Variants in MDGA2 observed in about 807,000 individuals in gnomAD.
MDGA2 encodes the protein MAM domain containing glycosylphosphatidylinositol anchor 2.
Under a neutral mutation model 117.8 loss-of-function variants are expected in MDGA2, and 40 were observed. That is an observed-to-expected ratio of 0.34 (90% CI 0.26 to 0.44). MDGA2 has a LOEUF of 0.44. Ranked by LOEUF, MDGA2 falls within the 20% of genes least tolerant of loss-of-function variation. MDGA2 has a pLI of 1.00. For synonymous variants in MDGA2, 452 were observed against 439.0 expected, an observed-to-expected ratio of 1.03 and a Z score of -0.37; for missense variants, 1,123 against 1,250.6, an observed-to-expected ratio of 0.90 and a Z score of 1.54.
rs574154679 is a variant in MDGA2 at position 47,350,016 on chromosome 14, G to A, written c.281-48466C>T. On this transcript the variant is annotated intron_variant, in intron 1 of 16. Coordinates refer to ENST00000399232, the MANE Select transcript of MDGA2 (RefSeq NM_001113498.3). ...TAAGCTTCATTTCAGGAAATAGGAC[G>A]GGGACCTTATAACCCTGAAGTCAGC... 2.4e-4 allele frequency among the ~76,000 whole-genome samples: 36 copies of A among 152,320 alleles called. No individual in the cohort carries two copies. The East Asian group carries it at 5.6e-3, about 24-fold the overall frequency.
chr14:46,998,291 G>A (rs1275998032), intron 8 of MDGA2, among the ~76,000 whole-genome samples: 3 of 151,696 alleles, frequency 2.0e-5, no homozygotes, highest in African/African-American at 4.8e-5. Flanking sequence ...AAAAACAGAT[G>A]AAAAGAAAAA....
intron 1 of MDGA2, among the ~76,000 whole-genome samples, chr14:47,323,606 T>C (rs1363557455): frequency 6.6e-6 from 1 of 151,876 alleles, no homozygotes; most frequent in Non-Finnish European, 1.5e-5. Flanking sequence ...CACTCCAGGC[T>C]GGGCAACAGA....
intron 1 of MDGA2, among the ~76,000 whole-genome samples, chr14:47,345,253 T>C (rs1890740043): frequency 6.6e-6 from 1 of 152,020 alleles, no homozygotes; most frequent in Admixed American, 6.6e-5. Context: ...TTTTATCCAA[T>C]CTGGAAATGC....
intron 3 of MDGA2, among the ~76,000 whole-genome samples, chr14:47,192,689 A>G (rs2139411665): frequency 6.6e-6 from 1 of 152,284 alleles, no homozygotes; most frequent in East Asian, 1.9e-4. Context: ...TTCAGAATAT[A>G]TTGTTCAGAG....
intron 1 of MDGA2, among the ~76,000 whole-genome samples, chr14:47,622,447 G>C (rs1444884265): frequency 6.6e-6 from 1 of 152,174 alleles, no homozygotes; most frequent in East Asian, 1.9e-4. Flanking sequence ...ACATTGACTT[G>C]GATCAAGGAC....
intron 1 of MDGA2, among the ~76,000 whole-genome samples, chr14:47,442,192 G>A (rs754257621): frequency 3.3e-5 from 5 of 152,016 alleles, no homozygotes; most frequent in African/African-American, 7.2e-5. Context: ...ATAAGTGGTC[G>A]GTTAAGGTAT....
At chr14:47,665,391 C>T (rs1431066614) in intron 1 of MDGA2, among the ~76,000 whole-genome samples, 4 of 152,194 alleles carry the variant, frequency 2.6e-5, no homozygotes, top group African/African-American at 9.7e-5. Context: ...TGCTGGCAGC[C>T]CTCACAACCC....
intron 1 of MDGA2, among the ~76,000 whole-genome samples, chr14:47,567,490 T>A (rs746930360): frequency 6.6e-6 from 1 of 152,212 alleles, no homozygotes; most frequent in Non-Finnish European, 1.5e-5. Context: ...AGAAACTAAA[T>A]TTCATCTTTC....
chr14:46,939,677 A>T (rs1290147471), intron 9 of MDGA2, among the ~76,000 whole-genome samples: 1 of 152,200 alleles, frequency 6.6e-6, no homozygotes, highest in East Asian at 1.9e-4. Flanking sequence ...CACCATGCTA[A>T]TCAACTTGCA....
intron 8 of MDGA2, among the ~76,000 whole-genome samples, chr14:46,971,236 T>C (rs1010925321): frequency 1.3e-5 from 2 of 152,124 alleles, no homozygotes; most frequent in Non-Finnish European, 2.9e-5. Flanking sequence ...AAGAAATGTA[T>C]ATATCAAAGG....
At chr14:47,025,219 C>A (rs1888429803) in intron 8 of MDGA2, among the ~76,000 whole-genome samples, 2 of 152,096 alleles carry the variant, frequency 1.3e-5, no homozygotes, top group African/African-American at 4.8e-5. Flanking sequence ...AAGAATTTGA[C>A]CTTCTTTTAA....
chr14:47,482,088 T>C (rs1001804993), intron 1 of MDGA2, among the ~76,000 whole-genome samples: 1 of 152,032 alleles, frequency 6.6e-6, no homozygotes, highest in Non-Finnish European at 1.5e-5. Context: ...GAATTTATCA[T>C]GGGTTGACAA....
chr14:46,868,641 C>T (rs565004871), intron 14 of MDGA2, among the ~76,000 whole-genome samples: 1 of 151,876 alleles, frequency 6.6e-6, no homozygotes, highest in South Asian at 2.1e-4. Flanking sequence ...AGTTAGCAAG[C>T]GAAATGCAGT....
intron 3 of MDGA2, among the ~76,000 whole-genome samples, chr14:47,164,016 T>C (rs1250780761): frequency 6.6e-6 from 1 of 152,232 alleles, no homozygotes; most frequent in Non-Finnish European, 1.5e-5. Flanking sequence ...TTTCCAAATT[T>C]CATTCTATGA....
chr14:47,624,188 T>C (rs1594949204), intron 1 of MDGA2, among the ~76,000 whole-genome samples: 1 of 152,204 alleles, frequency 6.6e-6, no homozygotes, highest in East Asian at 1.9e-4. Context: ...CCGGGTGCGG[T>C]AGCTCACGCC....
At chr14:47,449,683 A>C (rs1180810977) in intron 1 of MDGA2, among the ~76,000 whole-genome samples, 1 of 152,254 alleles carries the variant, frequency 6.6e-6, no homozygotes, top group East Asian at 1.9e-4. Context: ...TGAAAGATAG[A>C]AAAAAATGGT....
At chr14:46,960,971 T>C (rs1307650993) in intron 8 of MDGA2, among the ~76,000 whole-genome samples, 5 of 145,990 alleles carry the variant, frequency 3.4e-5, no homozygotes, top group African/African-American at 1.0e-4. Flanking sequence ...CACACACACA[T>C]AAAACATTAA....
chr14:47,502,813 G>A (rs1408731754), intron 1 of MDGA2, among the ~76,000 whole-genome samples: 1 of 151,910 alleles, frequency 6.6e-6, no homozygotes, highest in Non-Finnish European at 1.5e-5. Flanking sequence ...GCAGCTGGGA[G>A]TGCAGATGCT....
intron 7 of MDGA2, among the ~76,000 whole-genome samples, chr14:47,037,832 G>A (rs1039416440): frequency 1.3e-5 from 2 of 152,150 alleles, no homozygotes; most frequent in Non-Finnish European, 2.9e-5. Context: ...AAAGACTAAT[G>A]GAGGGTTATT....
Sources: allele counts gnomAD v4.1 joint callset (sites outside exome capture counted in the v4.1 genomes callset), GRCh38; gene constraint gnomAD v4.1.1; transcripts MANE v1.5; gene names NCBI Gene and HGNC (gene_info 2026-07-23, HGNC 2026-07-21).